C2CD3: variants seen among roughly 807,000 people sequenced by gnomAD.
C2CD3 encodes the protein C2 domain containing 3 centriole elongation regulator.
A neutral mutation model predicts 234.0 loss-of-function variants in C2CD3; 148 were observed. The observed-to-expected ratio is 0.63, with a 90% confidence interval of 0.55 to 0.72. The LOEUF (loss-of-function observed/expected upper bound fraction) is 0.72, where lower values mean the gene tolerates loss of function less well. Ranked by LOEUF, C2CD3 falls within the 30% of genes least tolerant of loss-of-function variation. C2CD3 has a pLI of 0.00. For missense variants in C2CD3, 2,577 were observed against 2,811.5 expected, an observed-to-expected ratio of 0.92 and a Z score of 1.89; for synonymous variants, 1,000 against 1,035.4, an observed-to-expected ratio of 0.97 and a Z score of 0.66.
Position 74,048,218 on chromosome 11 carries a change from A to G in C2CD3, c.5482T>C (p.Ser1828Pro), listed in dbSNP as rs751193934. Residue 1828 changes from serine (S) to proline (P), a missense_variant, in exon 28 of 33, where the codon TCC (serine) becomes CCC (proline). Ser to Pro is a moderately conservative substitution (Grantham distance 74). Transcript: ENST00000334126. The stretch of plus-strand genomic sequence containing the variant: ...GAATTCACTCACCTCCCAGGAGAGG[A>G]GAAATCAAGCTCCTTTGAGGAGGCA... ...AHASSKELDF[S>P]SPGRSDTTRS... 1.2e-6 allele frequency: 2 copies of G among 1,613,450 alleles called. No individual in the cohort carries two copies. Among genetic ancestry groups the G allele is most frequent in the African/African-American group, 1.3e-5 (1 of 75,048 alleles).
intron 22 of C2CD3, among the ~76,000 whole-genome samples, chr11:74,083,524 A>G (rs1955491520): frequency 6.6e-6 from 1 of 152,224 alleles, no homozygotes; most frequent in Non-Finnish European, 1.5e-5. Flanking sequence ...AATGGAAGAA[A>G]ATTTTTGCAA....
intron 22 of C2CD3, among the ~76,000 whole-genome samples, chr11:74,083,244 G>T (rs1486995774): frequency 2.0e-5 from 3 of 152,162 alleles, no homozygotes; most frequent in Admixed American, 6.5e-5. Context: ...GCCATATGTA[G>T]AAAGCTGAAA....
intron 32 of C2CD3, among the ~76,000 whole-genome samples, chr11:74,022,855 C>T (rs775188190): frequency 4.6e-5 from 7 of 152,248 alleles, no homozygotes; most frequent in Non-Finnish European, 1.0e-4. Flanking sequence ...AACCAGCCAT[C>T]GTTCTCACCC....
rs933651061 is a variant in C2CD3, at chr11:74,060,483, G to A, written c.4952-2939C>T. Among the ~76,000 whole-genome samples the A allele has an allele frequency of 1.2e-4, 18 of 152,204 alleles. No homozygotes were observed. In the East Asian group the frequency reaches 1.5e-3, roughly 13 times the overall value. On this transcript the variant is annotated intron_variant, in intron 24 of 32. Transcript: ENST00000334126. Reference sequence around the variant, plus strand: ...CAATATTTGCTGTTCTGCAGCCTCCGCTGGTGATACCCAGGCAAACAGGGT... The same window carrying A: ...CAATATTTGCTGTTCTGCAGCCTCCACTGGTGATACCCAGGCAAACAGGGT...
At chr11:74,051,856 A>G (rs1953708191) in intron 26 of C2CD3, among the ~76,000 whole-genome samples, 1 of 152,186 alleles carries the variant, frequency 6.6e-6, no homozygotes, top group South Asian at 2.1e-4. Context: ...AGTACTTAGC[A>G]TGGTGCCTGG....
chr11:74,132,080 G>A (rs1957697035), intron 7 of C2CD3, among the ~76,000 whole-genome samples: 1 of 152,224 alleles, frequency 6.6e-6, no homozygotes, highest in Admixed American at 6.5e-5. Flanking sequence ...GCCAGGCACT[G>A]TGGCTCATGC....
At chr11:74,116,927 C>CGT (rs1245819115) in intron 9 of C2CD3, among the ~76,000 whole-genome samples, 2 of 93,170 alleles carry the variant, frequency 2.1e-5, no homozygotes, top group South Asian at 3.1e-4. Context: ...TACATATACA[C>CGT]GTGTATATAC....
intron 3 of C2CD3, among the ~76,000 whole-genome samples, chr11:74,154,254 C>T (rs969681345): frequency 6.6e-6 from 1 of 151,314 alleles, no homozygotes; most frequent in Non-Finnish European, 1.5e-5. Context: ...AAGGTAAGAT[C>T]GATAAACCTG....
chr11:74,064,109 C>T (rs1044185144), intron 24 of C2CD3, among the ~76,000 whole-genome samples: 1 of 151,346 alleles, frequency 6.6e-6, no homozygotes, highest in African/African-American at 2.4e-5. Context: ...CATGTGTTCT[C>T]ATTGTTCAAT....
intron 31 of C2CD3, among the ~76,000 whole-genome samples, chr11:74,030,862 G>C (rs1952496569): frequency 6.6e-6 from 1 of 152,086 alleles, no homozygotes; most frequent in Admixed American, 6.5e-5. Context: ...TCACCTGCCG[G>C]GTAACTTGTG....
At chr11:74,014,096 C>T (rs1951792771) in intron 32 of C2CD3, among the ~76,000 whole-genome samples, 1 of 152,208 alleles carries the variant, frequency 6.6e-6, no homozygotes, top group South Asian at 2.1e-4. Context: ...TCACTAATTC[C>T]GCCTTTAAGG....
At chr11:74,121,706 A>AC (rs1308386888) in intron 8 of C2CD3, among the ~76,000 whole-genome samples, 4 of 151,950 alleles carry the variant, frequency 2.6e-5, no homozygotes, top group East Asian at 1.9e-4. Flanking sequence ...AAAACAAACA[A>AC]CCCCCCCAAG....
chr11:74,132,275 CAGG>C (rs1280024843), intron 7 of C2CD3, among the ~76,000 whole-genome samples: 2 of 152,100 alleles, frequency 1.3e-5, no homozygotes, highest in South Asian at 4.1e-4. Flanking sequence ...TGCTTGAACC[CAGG>C]AGGAGGAGGT....
rs1229442999 is a variant in C2CD3, at chr11:74,090,984, G to A, written c.3518-48C>T. 3.7e-6 allele frequency: 6 copies of A among 1,602,830 alleles called. No individual in the cohort carries two copies. The Admixed American group carries it at 8.5e-5, about 23-fold the overall frequency. ...AAGAAGGTTGGTCAGAAGAATCTCT[G>A]TTCCACCAAACCACAAAGTTTTGGT... On this transcript the variant is annotated intron_variant, in intron 19 of 32. Transcript: ENST00000334126.
In C2CD3 at chr11:74,118,893, T is replaced by C. The variant is rs529421907; in HGVS notation, c.1366-511A>G. On this transcript the variant is annotated intron_variant, in intron 8 of 32. Transcript: ENST00000334126. ...TGACTTGGACGATGTCACCTAATCA[T>C]CTGGATAGACTATTTTTTTTTTTTT... 8.6e-5 allele frequency among the ~76,000 whole-genome samples: 13 copies of C among 150,972 alleles called. No homozygotes were observed. In the South Asian group the frequency reaches 2.7e-3, roughly 31 times the overall value.
chr11:74,088,100 G>A (rs545453878), intron 20 of C2CD3, among the ~76,000 whole-genome samples: 1 of 152,280 alleles, frequency 6.6e-6, no homozygotes, highest in South Asian at 2.1e-4. Context: ...TTTTCAGTAA[G>A]AGGCAATGCA....
intron 3 of C2CD3, among the ~76,000 whole-genome samples, chr11:74,151,080 C>G (rs1457066798): frequency 6.6e-6 from 1 of 152,010 alleles, no homozygotes. Flanking sequence ...CGCCCACCAT[C>G]ACACCCAGCT....
At chr11:74,029,781 G>T (rs761341541) in intron 31 of C2CD3, among the ~76,000 whole-genome samples, 1 of 152,150 alleles carries the variant, frequency 6.6e-6, no homozygotes, top group Non-Finnish European at 1.5e-5. Context: ...TTGAAACAGG[G>T]TCTCACTCCC....
intron 5 of C2CD3, among the ~76,000 whole-genome samples, chr11:74,138,190 CT>C (rs766004392): frequency 3.9e-5 from 6 of 152,124 alleles, no homozygotes; most frequent in Non-Finnish European, 5.9e-5. Context: ...TTCCTGTTTG[CT>C]TTTTTATTTC....
Sources: allele counts gnomAD v4.1 joint callset (sites outside exome capture counted in the v4.1 genomes callset), GRCh38; gene constraint gnomAD v4.1.1; transcripts MANE v1.5; gene names NCBI Gene and HGNC (gene_info 2026-07-23, HGNC 2026-07-21).